GPC5: variants seen among roughly 807,000 people sequenced by gnomAD.
GPC5 encodes the protein glypican 5, also known as glypican-5.
A neutral mutation model predicts 53.9 loss-of-function variants in GPC5; 47 were observed. The ratio of observed to expected loss-of-function variants is 0.87; its 90% confidence interval spans 0.69 to 1.11. The LOEUF (loss-of-function observed/expected upper bound fraction) is 1.11, where lower values mean the gene tolerates loss of function less well. GPC5 is among the 50% of genes most tolerant of loss of function. The pLI is 0.00. For synonymous variants in GPC5, 286 were observed against 263.3 expected (o/e 1.09, Z -0.84); for missense variants, 748 against 713.1 (o/e 1.05, Z -0.56).
chr13:92,553,994 T>C (rs1221335951), intron 7 of GPC5, among the ~76,000 whole-genome samples: 1 of 151,980 alleles, frequency 6.6e-6, no homozygotes, highest in Non-Finnish European at 1.5e-5. Flanking sequence ...AAAATATTTT[T>C]GTAGCTCTTA....
intron 7 of GPC5, among the ~76,000 whole-genome samples, chr13:92,637,469 C>T (rs1378231152): frequency 6.6e-6 from 1 of 152,130 alleles, no homozygotes; most frequent in Non-Finnish European, 1.5e-5. Context: ...ATTCACATAG[C>T]ATCATAAGTA....
chr13:91,744,214 G>A (rs752093514), intron 4 of GPC5, among the ~76,000 whole-genome samples: 5 of 152,002 alleles, frequency 3.3e-5, no homozygotes, highest in East Asian at 1.9e-4. Flanking sequence ...ACATATTTTG[G>A]ATGGCATAAT....
At chr13:92,764,941 G>C (rs768504853) in intron 7 of GPC5, among the ~76,000 whole-genome samples, 41 of 152,056 alleles carry the variant, frequency 2.7e-4, no homozygotes, top group Non-Finnish European at 4.6e-4. Flanking sequence ...AGGGAAATTT[G>C]AATTTAATAT....
intron 5 of GPC5, among the ~76,000 whole-genome samples, chr13:91,795,430 G>A (rs905233369): frequency 3.3e-5 from 5 of 152,090 alleles, no homozygotes; most frequent in African/African-American, 1.2e-4. Context: ...TCATTTTGTT[G>A]TATCTTCACA....
intron 7 of GPC5, among the ~76,000 whole-genome samples, chr13:92,471,984 G>C (rs562104498): frequency 3.3e-5 from 5 of 152,184 alleles, no homozygotes; most frequent in Admixed American, 1.3e-4. Context: ...TGTTCCTTTG[G>C]ACTTAGATTC....
intron 6 of GPC5, among the ~76,000 whole-genome samples, chr13:91,939,005 G>A (rs1342331807): frequency 1.3e-5 from 2 of 151,958 alleles, no homozygotes; most frequent in East Asian, 3.9e-4. Flanking sequence ...AATGACTACT[G>A]TCATTACTTA....
At chr13:92,864,692 T>C (rs975579742) in intron 7 of GPC5, among the ~76,000 whole-genome samples, 1 of 151,950 alleles carries the variant, frequency 6.6e-6, no homozygotes, top group African/African-American at 2.4e-5. Flanking sequence ...AAAAAGGGAA[T>C]CACTAGTTTA....
intron 7 of GPC5, among the ~76,000 whole-genome samples, chr13:92,205,028 G>A (rs376837983): frequency 1.9e-4 from 29 of 152,052 alleles, no homozygotes; most frequent in African/African-American, 3.4e-4. Flanking sequence ...ACAGGTGCCC[G>A]CCACCACACC....
intron 4 of GPC5, among the ~76,000 whole-genome samples, chr13:91,731,548 G>T (rs2036697926): frequency 6.6e-6 from 1 of 151,842 alleles, no homozygotes; most frequent in Non-Finnish European, 1.5e-5. Flanking sequence ...TAGGTTCTGG[G>T]ATAAAAGTGC....
chr13:91,405,258 T>C (rs1877235260), intron 1 of GPC5, among the ~76,000 whole-genome samples: 1 of 152,210 alleles, frequency 6.6e-6, no homozygotes, highest in Non-Finnish European at 1.5e-5. Context: ...TGTGGGGTGC[T>C]GTCCTGTGTA....
intron 7 of GPC5, among the ~76,000 whole-genome samples, chr13:92,149,332 A>G (rs548432548): frequency 1.1e-4 from 16 of 152,206 alleles, no homozygotes; most frequent in East Asian, 1.9e-4. Flanking sequence ...TTCATAAAGC[A>G]TTTCCCAGTG....
intron 5 of GPC5, among the ~76,000 whole-genome samples, chr13:91,885,948 T>C (rs1037936175): frequency 1.3e-5 from 2 of 150,390 alleles, no homozygotes; most frequent in Non-Finnish European, 3.0e-5. Flanking sequence ...CTTTTTCTTG[T>C]ATACAGGATC....
intron 1 of GPC5, among the ~76,000 whole-genome samples, chr13:91,426,166 A>C (rs759899077): frequency 6.6e-6 from 1 of 152,140 alleles, no homozygotes; most frequent in African/African-American, 2.4e-5. Flanking sequence ...AGCTGCAGAA[A>C]TTTGCATAAG....
intron 2 of GPC5, among the ~76,000 whole-genome samples, chr13:91,466,889 G>A (rs1437571792): frequency 2.6e-5 from 4 of 152,116 alleles, no homozygotes; most frequent in African/African-American, 7.2e-5. Flanking sequence ...ACTATGGAGA[G>A]CACACACATT....
At chr13:91,933,607 G>T (rs764729249) in intron 6 of GPC5, among the ~76,000 whole-genome samples, 1 of 151,852 alleles carries the variant, frequency 6.6e-6, no homozygotes, top group East Asian at 1.9e-4. Context: ...TATGCCACAC[G>T]TCCAAGTTTT....
At chr13:92,214,568 C>A (rs1166217196) in intron 7 of GPC5, among the ~76,000 whole-genome samples, 1 of 152,100 alleles carries the variant, frequency 6.6e-6, no homozygotes, top group Non-Finnish European at 1.5e-5. Flanking sequence ...GATAATAATA[C>A]CCTCTAGAAT....
chr13:92,800,318 C>G (rs547232671), intron 7 of GPC5, among the ~76,000 whole-genome samples: 1 of 151,824 alleles, frequency 6.6e-6, no homozygotes, highest in African/African-American at 2.4e-5. Context: ...CTCCCCTTCT[C>G]GAGACTATGA....
chr13:92,440,193 C>G (rs554683803), intron 7 of GPC5, among the ~76,000 whole-genome samples: 63 of 152,190 alleles, frequency 4.1e-4, no homozygotes, highest in Admixed American at 4.1e-3. Flanking sequence ...ATGAATTAAC[C>G]CATTCCCCAT....
At chr13:92,568,142 T>G (rs1424332135) in intron 7 of GPC5, among the ~76,000 whole-genome samples, 1 of 152,018 alleles carries the variant, frequency 6.6e-6, no homozygotes, top group Non-Finnish European at 1.5e-5. Context: ...AGCAATATAG[T>G]GAGACTCCAT....
Sources: gnomAD v4.1 joint callset for allele counts (sites outside exome capture counted in the v4.1 genomes callset) on GRCh38, gnomAD v4.1.1 for gene constraint, MANE v1.5 for transcripts, NCBI Gene and HGNC (gene_info 2026-07-23, HGNC 2026-07-21) for gene names.